CSMD1: variants seen among roughly 807,000 people sequenced by gnomAD.
CSMD1 encodes CUB and Sushi multiple domains 1, also known as CUB and sushi domain-containing protein 1.
In CSMD1, 213 loss-of-function variants were observed where a neutral mutation model predicts 417.5. That is an observed-to-expected ratio of 0.51 (90% CI 0.46 to 0.57). The LOEUF is 0.57. Ranked by LOEUF, CSMD1 falls within the 20% of genes least tolerant of loss-of-function variation. The pLI is 0.00. For synonymous variants in CSMD1, 2,862 were observed against 1,736.8 expected (o/e 1.65, Z -16.11); for missense variants, 6,923 against 4,529.7 (o/e 1.53, Z -15.17).
chr8:3,188,401 G>T (rs1259467552), intron 35 of CSMD1, among the ~76,000 whole-genome samples: 4 of 135,378 alleles, frequency 3.0e-5, no homozygotes, highest in African/African-American at 1.1e-4. Context: ...CCGCCTCCCA[G>T]GTTCAAGCAA....
At chr8:3,856,025 T>G (rs915731486) in intron 5 of CSMD1, among the ~76,000 whole-genome samples, 2 of 152,152 alleles carry the variant, frequency 1.3e-5, no homozygotes, top group Admixed American at 1.3e-4. Flanking sequence ...TAGACAAACA[T>G]TACCAAACTT....
intron 10 of CSMD1, among the ~76,000 whole-genome samples, chr8:3,549,036 T>C (rs1452263734): frequency 6.6e-6 from 1 of 152,148 alleles, no homozygotes; most frequent in Non-Finnish European, 1.5e-5. Flanking sequence ...GAAGACCTGC[T>C]CCTCGAAGCC....
At chr8:4,542,911 C>G (rs1324767439) in intron 2 of CSMD1, among the ~76,000 whole-genome samples, 1 of 152,020 alleles carries the variant, frequency 6.6e-6, no homozygotes, top group Non-Finnish European at 1.5e-5. Context: ...GAATATTTAT[C>G]TAATGTTTCT....
chr8:4,724,498 T>C (rs1809282621), intron 1 of CSMD1, among the ~76,000 whole-genome samples: 1 of 148,678 alleles, frequency 6.7e-6, no homozygotes, highest in Non-Finnish European at 1.5e-5. Flanking sequence ...TAAGTACTAA[T>C]ATAGTAGCTC....
intron 1 of CSMD1, among the ~76,000 whole-genome samples, chr8:4,902,913 G>A (rs1274097380): frequency 6.7e-6 from 1 of 149,926 alleles, no homozygotes; most frequent in Non-Finnish European, 1.5e-5. Flanking sequence ...CAAGCAATAT[G>A]CAACCTAAAC....
At chr8:3,651,151 G>A (rs1235926138) in intron 7 of CSMD1, among the ~76,000 whole-genome samples, 1 of 152,054 alleles carries the variant, frequency 6.6e-6, no homozygotes, top group Non-Finnish European at 1.5e-5. Flanking sequence ...CTTTCTTGCC[G>A]GTCTTTGTAC....
chr8:3,417,281 C>G (rs533959432), intron 12 of CSMD1, among the ~76,000 whole-genome samples: 7 of 152,302 alleles, frequency 4.6e-5, no homozygotes, highest in Admixed American at 1.3e-4. Context: ...AATTAATATT[C>G]TGCAGAAAAC....
chr8:4,769,693 A>T (rs1796507536), intron 1 of CSMD1, among the ~76,000 whole-genome samples: 1 of 152,210 alleles, frequency 6.6e-6, no homozygotes, highest in Non-Finnish European at 1.5e-5. Flanking sequence ...GCTGCACGTC[A>T]GTTGCATAGG....
At chr8:3,864,126 A>G (rs1242863065) in intron 5 of CSMD1, among the ~76,000 whole-genome samples, 2 of 152,228 alleles carry the variant, frequency 1.3e-5, no homozygotes, top group Non-Finnish European at 2.9e-5. Context: ...GATATTTTAA[A>G]AAAAAATGTG....
At chr8:3,607,887 T>C (rs117376702) in intron 8 of CSMD1, among the ~76,000 whole-genome samples, 1 of 151,898 alleles carries the variant, frequency 6.6e-6, no homozygotes, top group Non-Finnish European at 1.5e-5. Context: ...GTAAAGGAAG[T>C]AGCCAGGCAC....
chr8:4,298,301 T>C lies in CSMD1; in HGVS notation c.415+121652A>G, dbSNP rs539409442. Among the ~76,000 whole-genome samples the C allele has an allele frequency of 5.9e-5, 9 of 152,350 alleles. No homozygotes were observed. In the South Asian group the frequency reaches 6.2e-4, roughly 11 times the overall value. On this transcript the variant is annotated intron_variant, in intron 3 of 69. Coordinates refer to ENST00000635120, the MANE Select transcript of CSMD1 (RefSeq NM_033225.6). ...AGTTACAATAATAATGTTTGATTCC[T>C]TTACTGTTATTCTCAGTTGTCCTTT...
intron 5 of CSMD1, among the ~76,000 whole-genome samples, chr8:3,913,058 C>G (rs1808568307): frequency 6.6e-6 from 1 of 152,074 alleles, no homozygotes; most frequent in South Asian, 2.1e-4. Context: ...AGCAGGGCAA[C>G]ATGGCAGCAC....
intron 1 of CSMD1, among the ~76,000 whole-genome samples, chr8:4,947,499 T>C (rs77655588): frequency 1.6e-3 from 239 of 152,250 alleles, no homozygotes; most frequent in African/African-American, 5.2e-3. Context: ...ATGAGAACCA[T>C]GTGGTAATAA....
At chr8:3,052,778 TTTC>T (rs1811946540) in intron 49 of CSMD1, 131 bp from the exon 50 acceptor site, 14 of 627,732 alleles carry the variant, frequency 2.2e-5, no homozygotes, top group Non-Finnish European at 2.8e-5. Context: ...TTTCTTTTTT[TTTC>T]TTTCTTTTTT....
intron 12 of CSMD1, among the ~76,000 whole-genome samples, chr8:3,461,201 C>A (rs552857150): frequency 1.2e-4 from 18 of 152,178 alleles, no homozygotes; most frequent in Non-Finnish European, 1.8e-4. Context: ...AAACAAAGGC[C>A]TTAATTTAGA....
At position 4,767,197 on chromosome 8, in the gene CSMD1, G is replaced by A. The variant is rs543323922; in HGVS notation, c.86-129639C>T. ...AACACTGAAAAGCCCTTAGCTTATTGAAGGCCATAATTTGCAGATGTACAC... is the reference window on the plus strand; with the variant it reads ...AACACTGAAAAGCCCTTAGCTTATTAAAGGCCATAATTTGCAGATGTACAC... On this transcript the variant is annotated intron_variant, in intron 1 of 69. Transcript: ENST00000635120. Among the ~76,000 whole-genome samples, 33 of 152,266 alleles carry A rather than the reference G, an allele frequency of 2.2e-4. 1 individual carries two copies. Among genetic ancestry groups the A allele is most frequent in the African/African-American group, 7.7e-4 (32 of 41,552 alleles).
At chr8:3,947,421 C>T (rs1240239323) in intron 5 of CSMD1, among the ~76,000 whole-genome samples, 1 of 152,134 alleles carries the variant, frequency 6.6e-6, no homozygotes, top group Non-Finnish European at 1.5e-5. Context: ...ATCACTGGAT[C>T]TTATTTCACA....
chr8:3,920,178 T>A (rs1180207057), intron 5 of CSMD1, among the ~76,000 whole-genome samples: 1 of 152,102 alleles, frequency 6.6e-6, no homozygotes, highest in African/African-American at 2.4e-5. Flanking sequence ...GGACTACAGG[T>A]GTGTGCCAGC....
At chr8:4,383,020 T>C (rs117407373) in intron 3 of CSMD1, among the ~76,000 whole-genome samples, 5 of 152,288 alleles carry the variant, frequency 3.3e-5, no homozygotes, top group East Asian at 1.9e-4. Context: ...TCAGTAAGAA[T>C]TGGTGGAATA....
Sources: allele counts gnomAD v4.1 joint callset (sites outside exome capture counted in the v4.1 genomes callset), GRCh38; gene constraint gnomAD v4.1.1; transcripts MANE v1.5; gene names NCBI Gene and HGNC (gene_info 2026-07-23, HGNC 2026-07-21).